Variants in SGPL1 observed in about 807,000 individuals in gnomAD.
SGPL1 encodes the protein sphingosine-1-phosphate lyase 1, also known as SP-lyase 1.
Under a neutral mutation model 68.9 loss-of-function variants are expected in SGPL1, and 37 were observed. That is an observed-to-expected ratio of 0.54 (90% CI 0.41 to 0.71). The LOEUF (loss-of-function observed/expected upper bound fraction) is 0.71, where lower values mean the gene tolerates loss of function less well. SGPL1 is among the 30% of genes least tolerant of loss of function. SGPL1 has a pLI of 0.00. For synonymous variants in SGPL1, 236 were observed against 248.5 expected, an observed-to-expected ratio of 0.95 and a Z score of 0.47; for missense variants, 551 against 704.6, an observed-to-expected ratio of 0.78 and a Z score of 2.47.
At chr10:70,871,167 G>T in intron 10 of SGPL1, 21 bp downstream of exon 10, 1 of 1,468,334 alleles carries the variant, frequency 6.8e-7, no homozygotes, top group Non-Finnish European at 9.4e-7. Flanking sequence ...GAAATGGGCT[G>T]CTAAGGCAGG....
At chr10:70,837,642 A>G (rs184653858) in intron 2 of SGPL1, among the ~76,000 whole-genome samples, 36 of 152,338 alleles carry the variant, frequency 2.4e-4, no homozygotes, top group African/African-American at 7.0e-4. Flanking sequence ...TAGCAGAGAC[A>G]ACATTACAGA....
chr10:70,868,446 G>A lies in SGPL1; in HGVS notation c.704+13G>A. The A allele has an allele frequency of 6.2e-7, 1 of 1,605,246 alleles. No individual in the cohort carries two copies. The highest frequency in any genetic ancestry group is 8.5e-7 in the Non-Finnish European group (1 of 1,172,044). On this transcript the variant is annotated intron_variant, in intron 8 of 14. Transcript: ENST00000373202. Reference sequence around the variant, plus strand: ...AAACTCCAGAAATGTATGTATGTGTGGCTGTTTTGTCCCCTTTTGGATTTG... The same window carrying A: ...AAACTCCAGAAATGTATGTATGTGTAGCTGTTTTGTCCCCTTTTGGATTTG...
rs544647274 is a variant in SGPL1, at chr10:70,837,163, C to T, written c.28-7310C>T. On this transcript the variant is annotated intron_variant, in intron 2 of 14. Transcript: ENST00000373202. ...TACGATCTTGGCTCACTGCAACCCC[C>T]GCCTCCCAGGTTCAAGCGATTCTCA... Among the ~76,000 whole-genome samples the T allele has an allele frequency of 1.3e-3, 199 of 151,906 alleles. 2 individuals carry two copies. Among genetic ancestry groups the T allele is most frequent in the East Asian group, 6.2e-3 (32 of 5,152 alleles).
At chr10:70,857,552 A>G (rs1224764317) in intron 5 of SGPL1, 62 bp from the exon 6 acceptor site, 3 of 1,364,722 alleles carry the variant, frequency 2.2e-6, no homozygotes, top group Admixed American at 1.7e-5. Flanking sequence ...TTTCTTCTTT[A>G]TCAGAACCTG....
chr10:70,840,164 C>T (rs1452077748), intron 2 of SGPL1, among the ~76,000 whole-genome samples: 1 of 152,046 alleles, frequency 6.6e-6, no homozygotes, highest in Non-Finnish European at 1.5e-5. Context: ...TACTCCTCTG[C>T]CCATGAATAC....
chr10:70,827,766 C>T (rs1295350579), intron 2 of SGPL1, among the ~76,000 whole-genome samples: 1 of 152,070 alleles, frequency 6.6e-6, no homozygotes, highest in Non-Finnish European at 1.5e-5. Context: ...AATATACTTC[C>T]AGATCAAGAT....
Position 70,877,342 on chromosome 10 carries a change from A to G in SGPL1, c.*7A>G. On this transcript the variant is annotated 3_prime_UTR_variant, in exon 15 of 15. Coordinates refer to ENST00000373202, the MANE Select transcript of SGPL1 (RefSeq NM_003901.4). ...TTCTCCAAAACCCCACTGAACTTGG[A>G]CCCTTTCTAGTCTCAAGGGGATTCC... The G allele has an allele frequency of 6.2e-7, 1 of 1,614,002 alleles. No individual in the cohort carries two copies. Among genetic ancestry groups the G allele is most frequent in the Non-Finnish European group, 8.5e-7 (1 of 1,179,928 alleles).
In SGPL1 at chr10:70,877,417, C is replaced by A. The variant is rs1430224727; in HGVS notation, c.*82C>A. ...TGGAACAGGCCGTGCACAACTTTGA[C>A]ATCTGGTCTTGCTCCATAGAGCACA... On this transcript the variant is annotated 3_prime_UTR_variant, in exon 15 of 15. Coordinates refer to ENST00000373202, the MANE Select transcript of SGPL1 (RefSeq NM_003901.4). 2.1e-6 allele frequency: 3 copies of A among 1,406,446 alleles called. No homozygotes were observed. The highest frequency in any genetic ancestry group is 2.8e-5 in the African/African-American group (2 of 70,812). 87.1% of individuals were successfully genotyped at this position (1,406,446 alleles called of 1,614,324 possible).
At chr10:70,844,076 C>T (rs1034532082) in intron 2 of SGPL1, among the ~76,000 whole-genome samples, 2 of 152,068 alleles carry the variant, frequency 1.3e-5, no homozygotes, top group Non-Finnish European at 2.9e-5. Context: ...TTGCTGACTA[C>T]TGGGGTAGAG....
intron 2 of SGPL1, among the ~76,000 whole-genome samples, chr10:70,826,696 C>T (rs1366583204): frequency 6.6e-6 from 1 of 152,134 alleles, no homozygotes; most frequent in Non-Finnish European, 1.5e-5. Context: ...TATAATTATT[C>T]CCTTGCCTTT....
rs1845220948 is a variant in SGPL1, at chr10:70,816,082, G to C, written c.-88G>C. 6.6e-6 allele frequency: 1 copy of C among 151,712 alleles called. No homozygotes were observed. Among genetic ancestry groups the C allele is most frequent in the Admixed American group, 6.6e-5 (1 of 15,200 alleles). The allele number at this position is 151,712 out of a possible 1,614,324, so 9.4% of individuals were successfully genotyped here. A position where few individuals can be genotyped will look rare whatever the true frequency, so the allele number is the denominator to read the frequency against. ...GAGACGCAGGAGGTGGAGCCGGCCG[G>C]GTGCTCGAGGGAAGGAGACTGGAAG... On this transcript the variant is annotated 5_prime_UTR_variant, in exon 1 of 15. Transcript: ENST00000373202.
chr10:70,821,715 A>G (rs1477705153), intron 2 of SGPL1, among the ~76,000 whole-genome samples: 2 of 152,196 alleles, frequency 1.3e-5, no homozygotes, highest in Non-Finnish European at 2.9e-5. Context: ...TGAGGTTGAG[A>G]AACTGGTATG....
chr10:70,854,797 C>T lies in SGPL1; in HGVS notation c.351C>T (p.Pro117=). Residue 117 remains proline (P), a synonymous_variant, in exon 5 of 15, where the codon CCC becomes CCT. Coordinates refer to ENST00000373202, the MANE Select transcript of SGPL1 (RefSeq NM_003901.4). ...KVDKEYVKAL[P]SQGLSSSAVL... ...ACAAAGAGTATGTGAAAGCTTTACC[C>T]TCCCAGGGTCTGAGCTCATCTGCTG... 1.2e-6 allele frequency: 2 copies of T among 1,613,974 alleles called. No homozygotes were observed. The highest frequency in any genetic ancestry group is 1.7e-6 in the Non-Finnish European group (2 of 1,179,914).
chr10:70,869,944 A>G (rs767783901), intron 9 of SGPL1, 47 bp downstream of exon 9: 2 of 1,459,388 alleles, frequency 1.4e-6, no homozygotes, highest in East Asian at 2.3e-5. Context: ...CCCTGACAGC[A>G]GAAGGGCCCT....
chr10:70,879,207 A>G lies in SGPL1; in HGVS notation c.*1872A>G, dbSNP rs531010742. ...GGACTCCTGAATATTCAGCCTCTCC[A>G]GGCTGGTGTCTTCTAGTTTCCCCCA... On this transcript the variant is annotated 3_prime_UTR_variant, in exon 15 of 15. Transcript: ENST00000373202. The G allele has an allele frequency of 6.5e-6, 1 of 152,770 alleles. No individual in the cohort carries two copies. Among genetic ancestry groups the G allele is most frequent in the South Asian group, 2.1e-4 (1 of 4,824 alleles). 9.5% of individuals were successfully genotyped at this position (152,770 alleles called of 1,614,324 possible).
chr10:70,862,620 C>G (rs1288747133), intron 7 of SGPL1, among the ~76,000 whole-genome samples: 1 of 152,158 alleles, frequency 6.6e-6, no homozygotes, highest in Admixed American at 6.5e-5. Context: ...CCACGAAGGT[C>G]TGCAGCTTCA....
In SGPL1 at chr10:70,876,671, C is replaced by G; in HGVS notation, c.1566+10C>G. The G allele has an allele frequency of 6.2e-7, 1 of 1,601,282 alleles. No individual in the cohort carries two copies. Among genetic ancestry groups the G allele is most frequent in the South Asian group, 1.1e-5 (1 of 88,354 alleles). On this transcript the variant is annotated intron_variant, in intron 14 of 14. Coordinates refer to ENST00000373202, the MANE Select transcript of SGPL1 (RefSeq NM_003901.4). ...GAAGACCACAGGAATGGTAGGGACA[C>G]TTGGAGTTTTTTTTCTTCTCTTGGA... is the stretch of plus-strand genomic sequence containing the variant.
chr10:70,876,583 A>G lies in SGPL1; in HGVS notation c.1488A>G (p.Val496=). ...CITLLHARKR[V]AIQFLKDIRE... is the part of the protein sequence containing the mutation. ...CATTACTACACGCCCGGAAACGAGTAGCTATACAATTCCTAAAGGACATTC... is the reference window on the plus strand; with the variant it reads ...CATTACTACACGCCCGGAAACGAGTGGCTATACAATTCCTAAAGGACATTC... The change falls in exon 14 of 15, where the codon GTA becomes GTG. Residue 496 remains valine, a synonymous_variant. Transcript: ENST00000373202. The G allele has an allele frequency of 6.2e-7, 1 of 1,612,630 alleles. No homozygotes were observed. The highest frequency in any genetic ancestry group is 8.5e-7 in the Non-Finnish European group (1 of 1,178,664).
At chr10:70,870,831 T>C (rs368744124) in intron 9 of SGPL1, among the ~76,000 whole-genome samples, 2 of 152,152 alleles carry the variant, frequency 1.3e-5, no homozygotes, top group Admixed American at 6.5e-5. Context: ...TCTGTTCTTA[T>C]TTTGTGCTCT....
Sources: gnomAD v4.1 joint callset for allele counts (sites outside exome capture counted in the v4.1 genomes callset) on GRCh38, gnomAD v4.1.1 for gene constraint, MANE v1.5 for transcripts, NCBI Gene and HGNC (gene_info 2026-07-23, HGNC 2026-07-21) for gene names.